CFAP46: variants seen among roughly 807,000 people sequenced by gnomAD.
CFAP46 encodes cilia and flagella associated protein 46, also known as cilia- and flagella-associated protein 46.
In CFAP46, 245 loss-of-function variants were observed where a neutral mutation model predicts 325.7. The ratio of observed to expected loss-of-function variants is 0.75; its 90% CI spans 0.68 to 0.84. CFAP46 has a LOEUF of 0.84. Among genes scored for constraint, CFAP46 ranks in the 40% least tolerant of loss-of-function variants. CFAP46 has a pLI of 0.00. For synonymous variants in CFAP46, 1,523 were observed against 1,495.9 expected (o/e 1.02, Z -0.42); for missense variants, 3,346 against 3,543.0 (o/e 0.94, Z 1.41).
Position 132,918,383 on chromosome 10 carries a change from C to T in CFAP46, c.1986+10G>A. 9 of 1,538,402 alleles carry T rather than the reference C, an allele frequency of 5.9e-6. No individual in the cohort carries two copies. The highest frequency in any genetic ancestry group is 7.9e-6 in the Non-Finnish European group (9 of 1,139,170). On this transcript the variant is annotated intron_variant, in intron 16 of 57. Coordinates refer to ENST00000368586, the MANE Select transcript of CFAP46 (RefSeq NM_001200049.3). ...CTCAGCACCGATGAACCCCCCTCTC[C>T]ATGACGCACCTCAGCATGGATGAAC...
chr10:132,912,858 G>C (rs758678745), intron 18 of CFAP46, 38 bp from the exon 19 acceptor site: 5 of 1,542,502 alleles, frequency 3.2e-6, no homozygotes, highest in Non-Finnish European at 4.4e-6. Context: ...CTTGGCCCCC[G>C]CAGGCCTCGC....
Position 132,924,818 on chromosome 10 carries a change from C to G in CFAP46, c.1134G>C (p.Arg378=). ...GCGTGGCGCACACCACGTGGATGAC[C>G]CGGGGGTCGCCCAGGCGCACGGCTC... ...LQRAVRLGDP[R]VIHVVCATQW... The change falls in exon 11 of 58, where the codon CGG becomes CGC. Residue 378 remains arginine, a synonymous_variant. Coordinates refer to ENST00000368586, the MANE Select transcript of CFAP46 (RefSeq NM_001200049.3). 1.4e-6 allele frequency: 2 copies of G among 1,466,764 alleles called. No homozygotes were observed. The highest frequency in any genetic ancestry group is 1.4e-5 in the South Asian group (1 of 74,070). The allele number at this position is 1,466,764 out of a possible 1,614,324, so 90.9% of individuals were successfully genotyped here.
chr10:132,836,749 TG>T, intron 45 of CFAP46, 67 bp downstream of exon 45: 1 of 1,355,752 alleles, frequency 7.4e-7, no homozygotes, highest in Non-Finnish European at 1.1e-6. Context: ...AGCCCACGGC[TG>T]GGTCTCTGCC....
Position 132,938,612 on chromosome 10 carries a change from C to A in CFAP46, c.513G>T (p.Lys171Asn). ...NVLSQTEEEDKEWRAELMLEL... is the reference protein window; with the variant it reads ...NVLSQTEEEDNEWRAELMLEL... ...ACAGCATCAGCTCAGCACGCCACTC[C>A]TTGTCTTCCTCCTCAGTCTGACTCA... is the stretch of plus-strand genomic sequence containing the variant. Residue 171 changes from lysine to asparagine, a missense_variant, in exon 5 of 58, where the codon AAG (lysine) becomes AAT (asparagine). By Grantham distance (94) the Lys-to-Asn change is moderately conservative (BLOSUM62 0). Coordinates refer to ENST00000368586, the MANE Select transcript of CFAP46 (RefSeq NM_001200049.3). The A allele has an allele frequency of 6.2e-7, 1 of 1,613,504 alleles. No individual in the cohort carries two copies. The highest frequency in any genetic ancestry group is 8.5e-7 in the Non-Finnish European group (1 of 1,179,970).
In CFAP46 at chr10:132,937,629, C is replaced by A. The variant is rs779396415; in HGVS notation, c.583G>T (p.Ala195Ser). Residue 195 changes from alanine (A) to serine (S), a missense_variant, in exon 6 of 58, where the codon GCC becomes TCC. Coordinates refer to ENST00000368586, the MANE Select transcript of CFAP46 (RefSeq NM_001200049.3). ...GGAGCTGCCGTGGAGCAGAACCTGG[C>A]AGCCTCCTCCTTTCTTCCGGCTTGC... ...YLQAGRKEEAARFCSTAAPFI... is the reference protein window; with the variant it reads ...YLQAGRKEEASRFCSTAAPFI... The A allele has an allele frequency of 2.5e-6, 4 of 1,612,976 alleles. No homozygotes were observed. The Admixed American group carries it at 5.0e-5, about 20-fold the overall frequency.
chr10:132,831,625 G>C (rs1289499437), intron 50 of CFAP46, among the ~76,000 whole-genome samples: 1 of 151,906 alleles, frequency 6.6e-6, no homozygotes, highest in East Asian at 1.9e-4. Flanking sequence ...CATTTTCTTT[G>C]TATTTAAAGT....
intron 54 of CFAP46, 128 bp from the exon 55 acceptor site, chr10:132,813,025 T>A: frequency 1.5e-6 from 1 of 667,300 alleles, no homozygotes; most frequent in South Asian, 1.8e-5. Context: ...AACTGAACTT[T>A]CTTTCATGTT....
At chr10:132,812,556 C>G (rs1167222502) in intron 55 of CFAP46, among the ~76,000 whole-genome samples, 1 of 152,148 alleles carries the variant, frequency 6.6e-6, no homozygotes, top group East Asian at 1.9e-4. Context: ...GGGCCAGAAG[C>G]CCCTGTGGCT....
chr10:132,813,615 C>T (rs1201765983), intron 54 of CFAP46, among the ~76,000 whole-genome samples: 7 of 13,868 alleles, frequency 5.0e-4, no homozygotes, highest in Non-Finnish European at 5.4e-4. Flanking sequence ...ACACACCTGC[C>T]CCTGCAGCCC....
At position 132,878,029 on chromosome 10, in the gene CFAP46, C is replaced by T; in HGVS notation, c.4064G>A (p.Ser1355Asn). ...TTTTTTAGGCAATAACAGATGTGAGCTGGTTGCTGCCAGGGGTCTGTTTTC... is the reference window on the plus strand; with the variant it reads ...TTTTTTAGGCAATAACAGATGTGAGTTGGTTGCTGCCAGGGGTCTGTTTTC... ...VLENRPLAAT[S>N]SHLLLPKKEK... The change falls in exon 30 of 58, where the codon AGC (serine) becomes AAC (asparagine). Residue 1355 changes from serine to asparagine, a missense_variant. Physicochemically the swap from Ser to Asn is conservative, Grantham distance 46 (BLOSUM62 1). Transcript: ENST00000368586. The T allele has an allele frequency of 6.5e-7, 1 of 1,547,240 alleles. No homozygotes were observed. The highest frequency in any genetic ancestry group is 8.7e-7 in the Non-Finnish European group (1 of 1,145,480).
At position 132,881,095 on chromosome 10, in the gene CFAP46, T is replaced by C. The variant is rs1029969502; in HGVS notation, c.3628-63A>G. 1.3e-5 allele frequency: 19 copies of C among 1,416,362 alleles called. No individual in the cohort carries two copies. The East Asian group carries it at 3.5e-4, about 26-fold the overall frequency. 87.7% of individuals were successfully genotyped at this position (1,416,362 alleles called of 1,614,324 possible). On this transcript the variant is annotated intron_variant, in intron 27 of 57. Coordinates refer to ENST00000368586, the MANE Select transcript of CFAP46 (RefSeq NM_001200049.3). ...GGCCCTGAAGGCGTTCCTGACGCAGTGGAATACTTTTATTGCTCATTTTCT... is the reference window on the plus strand; with the variant it reads ...GGCCCTGAAGGCGTTCCTGACGCAGCGGAATACTTTTATTGCTCATTTTCT...
At position 132,869,484 on chromosome 10, in the gene CFAP46, T is replaced by C; in HGVS notation, c.4512-112A>G. On this transcript the variant is annotated intron_variant, in intron 32 of 57. Transcript: ENST00000368586. The surrounding 1 kb of genome is among the most constrained non-coding windows in gnomAD (Gnocchi z 6.2). ...GGTCAACTAACACATCGAGGCACACTTGGATGGTATTTTCAATCATTTTTA... is the reference window on the plus strand; with the variant it reads ...GGTCAACTAACACATCGAGGCACACCTGGATGGTATTTTCAATCATTTTTA... 1.6e-6 allele frequency: 1 copy of C among 636,470 alleles called. No homozygotes were observed. The highest frequency in any genetic ancestry group is 3.3e-5 in the East Asian group (1 of 29,942). 39.4% of individuals were successfully genotyped at this position (636,470 alleles called of 1,614,324 possible).
At chr10:132,934,887 C>T (rs745661726) in intron 7 of CFAP46, 25 bp from the exon 8 acceptor site, 1 of 1,342,244 alleles carries the variant, frequency 7.5e-7, no homozygotes, top group Admixed American at 1.7e-5. Context: ...GAGAGTAATT[C>T]AGCACAAGAT....
rs772337669 is a variant in CFAP46, at chr10:132,834,686, C to T, written c.6834G>A (p.Pro2278=). Residue 2278 remains proline, a synonymous_variant, in exon 48 of 58, where the codon CCG becomes CCA. Coordinates refer to ENST00000368586, the MANE Select transcript of CFAP46 (RefSeq NM_001200049.3). The stretch of plus-strand genomic sequence containing the variant: ...TGGAGAGGCTGAGCAGGGGGAATAG[C>T]GGCTGCAGAAGCTCCTCCAGGGGCC... ...VLGPLEELLQ[P]LFPLLSLSKA... The T allele has an allele frequency of 1.8e-5, 29 of 1,612,844 alleles. No individual in the cohort carries two copies. Among genetic ancestry groups the T allele is most frequent in the Middle Eastern group, 3.3e-4 (2 of 6,030 alleles).
intron 27 of CFAP46, among the ~76,000 whole-genome samples, chr10:132,883,640 G>A (rs564462215): frequency 2.2e-4 from 33 of 152,354 alleles, no homozygotes; most frequent in African/African-American, 6.5e-4. Flanking sequence ...GACGAGGACC[G>A]GGCCACGCCA....
chr10:132,822,687 C>CGCT (rs1418505499), intron 50 of CFAP46, among the ~76,000 whole-genome samples: 2 of 103,082 alleles, frequency 1.9e-5, no homozygotes, highest in African/African-American at 7.8e-5. Context: ...GCTGTGTGTG[C>CGCT]TGATGTGTGC....
chr10:132,917,441 T>C (rs1229062904), intron 16 of CFAP46, among the ~76,000 whole-genome samples: 2 of 152,228 alleles, frequency 1.3e-5, no homozygotes, highest in Non-Finnish European at 2.9e-5. Context: ...CTGCTGACTT[T>C]GGGCAGGGCG....
intron 24 of CFAP46, among the ~76,000 whole-genome samples, chr10:132,896,749 T>C (rs1467657045): frequency 1.3e-5 from 2 of 152,168 alleles, no homozygotes; most frequent in Non-Finnish European, 2.9e-5. Context: ...CACATTCATA[T>C]GGAATTAAAA....
At chr10:132,855,348 T>A (rs1395750909) in intron 39 of CFAP46, among the ~76,000 whole-genome samples, 1 of 152,252 alleles carries the variant, frequency 6.6e-6, no homozygotes, top group African/African-American at 2.4e-5. Flanking sequence ...CCACTCCAGC[T>A]TTCTTTTCAT....
Sources: allele counts gnomAD v4.1 joint callset (sites outside exome capture counted in the v4.1 genomes callset), GRCh38; gene constraint gnomAD v4.1.1; non-coding constraint Gnocchi (gnomAD v3.1); transcripts MANE v1.5; gene names NCBI Gene and HGNC (gene_info 2026-07-23, HGNC 2026-07-21).